Variants in EP400 observed in about 807,000 individuals in gnomAD.
EP400 encodes E1A binding protein p400, also known as E1A-binding protein p400.
EP400 carries 105 observed loss-of-function variants against 354.1 expected under a neutral mutation model. That is an observed-to-expected ratio of 0.30 (90% confidence interval 0.25 to 0.35). EP400 has a LOEUF of 0.35. Ranked by LOEUF, EP400 falls within the 10% of genes least tolerant of loss-of-function variation. The probability of loss-of-function intolerance (pLI) is 1.00; values close to 1 mark genes in which losing one functional copy is unlikely to be tolerated. For missense variants in EP400, 3,280 were observed against 4,121.0 expected, an observed-to-expected ratio of 0.80 and a Z score of 5.59; for synonymous variants, 1,646 against 1,716.9, an observed-to-expected ratio of 0.96 and a Z score of 1.02.
chr12:132,042,884 G>C (rs1480269148), intron 32 of EP400, among the ~76,000 whole-genome samples: 1 of 152,244 alleles, frequency 6.6e-6, no homozygotes. Flanking sequence ...TCCGTCTGCT[G>C]TCTGTTTCCT....
Position 131,990,739 on chromosome 12 carries a change from A to G in EP400, c.2629+25A>G. On this transcript the variant is annotated intron_variant, in intron 9 of 52. Coordinates refer to ENST00000389561, the MANE Select transcript of EP400 (RefSeq NM_015409.5). The surrounding 1 kb of genome is among the most constrained non-coding windows in gnomAD (Gnocchi z 4.2). ...GGTAGGACCCTTTAAAAAAAGGCTC[A>G]CCACGCTTGGGTGGTATTTTGTTCG... 2.6e-6 allele frequency: 4 copies of G among 1,548,936 alleles called. No individual in the cohort carries two copies. Among genetic ancestry groups the G allele is most frequent in the Non-Finnish European group, 3.5e-6 (4 of 1,129,244 alleles).
intron 1 of EP400, among the ~76,000 whole-genome samples, chr12:131,956,873 CTTTTTTTTTTT>C (rs58567170): frequency 8.7e-6 from 1 of 115,404 alleles, no homozygotes; most frequent in African/African-American, 3.4e-5. Context: ...TTTTTTTGTC[CTTTTTTTTTTT>C]TTTTTTTTTA....
At chr12:132,060,278 A>G (rs1405678384) in intron 45 of EP400, among the ~76,000 whole-genome samples, 2 of 152,160 alleles carry the variant, frequency 1.3e-5, no homozygotes, top group Non-Finnish European at 2.9e-5. Flanking sequence ...CACATGGAGG[A>G]CATGGTGACA....
chr12:132,006,293 C>A lies in EP400; in HGVS notation c.3117C>A (p.Val1039=). ...EAILPKGSAR[V]TTSVKFNAPS... is the part of the protein sequence containing the mutation. ...TCCTGCCGAAGGGCAGTGCTCGGGT[C>A]ACAACCTCGGTGAGGCGCTAAGCTT... is the stretch of plus-strand genomic sequence containing the variant. The change falls in exon 14 of 53, where the codon GTC becomes GTA. Residue 1039 remains valine (V), a synonymous_variant. Transcript: ENST00000389561. 1 of 1,614,072 alleles carries A rather than the reference C, an allele frequency of 6.2e-7. No homozygotes were observed. Among genetic ancestry groups the A allele is most frequent in the South Asian group, 1.1e-5 (1 of 91,056 alleles).
intron 22 of EP400, 32 bp downstream of exon 22, chr12:132,020,250 T>C (rs1480600600): frequency 6.5e-7 from 1 of 1,543,468 alleles, no homozygotes; most frequent in Non-Finnish European, 8.8e-7. Context: ...GCTCTCCGCC[T>C]TATGGAGGTT....
chr12:132,066,670 T>G, intron 48 of EP400, 104 bp from the exon 49 acceptor site: 1 of 1,230,956 alleles, frequency 8.1e-7, no homozygotes, highest in South Asian at 1.4e-5. Flanking sequence ...ACTTTGTTGA[T>G]CTTTGTAAAT....
intron 32 of EP400, among the ~76,000 whole-genome samples, chr12:132,039,298 G>A (rs1472556396): frequency 6.6e-6 from 1 of 152,234 alleles, no homozygotes; most frequent in African/African-American, 2.4e-5. Context: ...TGGTGATTCT[G>A]ATGGCAGCAG....
At chr12:131,983,815 G>A (rs1412200947) in intron 5 of EP400, among the ~76,000 whole-genome samples, 1 of 152,048 alleles carries the variant, frequency 6.6e-6, no homozygotes, top group Non-Finnish European at 1.5e-5. Context: ...GAGTAGCTGG[G>A]ACTACAGGCG....
In EP400 at chr12:131,986,682, T is replaced by C. The variant is rs540708227; in HGVS notation, c.2098T>C (p.Ser700Pro). The change falls in exon 6 of 53, where the codon TCT becomes CCT. Residue 700 changes from serine to proline, a missense_variant. Ser to Pro is a moderately conservative substitution (Grantham distance 74, BLOSUM62 -1). Transcript: ENST00000389561. ...RPSSATNKALSPVTSRTPGVV... is the reference protein window; with the variant it reads ...RPSSATNKALPPVTSRTPGVV... ...TTCCTCAGCCACCAATAAGGCACTA[T>C]CTCCAGTCACTTCCCGGACCCCAGG... is the stretch of plus-strand genomic sequence containing the variant. The C allele has an allele frequency of 9.9e-6, 16 of 1,614,102 alleles. No homozygotes were observed. The highest frequency in any genetic ancestry group is 5.5e-5 in the South Asian group (5 of 91,076).
chr12:131,987,727 T>G lies in EP400; in HGVS notation c.2246T>G (p.Ile749Ser), dbSNP rs1892899673. The change falls in exon 7 of 53, where the codon ATT becomes AGT. Residue 749 changes from isoleucine (I) to serine (S), a missense_variant. This residue lies in a region of EP400 where 800 missense variants were observed against 840.0 expected (regional missense o/e 0.95). Transcript: ENST00000389561. Reference sequence around the variant, plus strand: ...CAGGAGAACCAGGTGCATCAGCGCATTGCGGAGCTGAGGAAAGCAGGTCTG... The same window carrying G: ...CAGGAGAACCAGGTGCATCAGCGCAGTGCGGAGCTGAGGAAAGCAGGTCTG... ...ITLENQVHQR[I>S]AELRKAGLWS... 6.2e-7 allele frequency: 1 copy of G among 1,610,030 alleles called. No homozygotes were observed. Among genetic ancestry groups the G allele is most frequent in the South Asian group, 1.1e-5 (1 of 90,342 alleles).
At chr12:131,987,170 G>A (rs1293641171) in intron 6 of EP400, among the ~76,000 whole-genome samples, 1 of 152,182 alleles carries the variant, frequency 6.6e-6, no homozygotes, top group East Asian at 1.9e-4. Flanking sequence ...GAGAGTCACT[G>A]CCCAGCCCTT....
At chr12:131,984,795 T>C (rs1289095361) in intron 5 of EP400, among the ~76,000 whole-genome samples, 1 of 151,764 alleles carries the variant, frequency 6.6e-6, no homozygotes, top group African/African-American at 2.4e-5. Flanking sequence ...GCCTCCTGGG[T>C]TCAAACCATT....
intron 19 of EP400, among the ~76,000 whole-genome samples, chr12:132,014,952 TC>T (rs1250270444): frequency 6.6e-6 from 1 of 152,110 alleles, no homozygotes; most frequent in African/African-American, 2.4e-5. Context: ...CTGTGCCTCA[TC>T]CTCTGCTCTG....
chr12:132,011,130 G>A (rs1484372060), intron 15 of EP400, among the ~76,000 whole-genome samples: 1 of 152,166 alleles, frequency 6.6e-6, no homozygotes. Flanking sequence ...AGGGTCTGGG[G>A]CTCTCTTAGT....
Position 132,053,543 on chromosome 12 carries a change from G to T in EP400, c.7674G>T (p.Gln2558His). Residue 2558 changes from glutamine to histidine, a missense_variant, in exon 43 of 53, where the codon CAG (glutamine) becomes CAT (histidine). Transcript: ENST00000389561. ...CCCAGACCCAGCCACAGCCTGTGCA[G>T]GCCCCAGCGAAGGCGCAGCCCGCAA... ...PQPQTQPQPV[Q>H]APAKAQPAIT... 2 of 1,556,948 alleles carry T rather than the reference G, an allele frequency of 1.3e-6. No homozygotes were observed. The highest frequency in any genetic ancestry group is 2.3e-5 in the South Asian group (2 of 85,856).
intron 29 of EP400, 57 bp downstream of exon 29, chr12:132,030,215 C>T (rs980739893): frequency 1.1e-5 from 18 of 1,585,096 alleles, no homozygotes; most frequent in Non-Finnish European, 1.4e-5. Context: ...TGTTGAATGC[C>T]TAAGTGCTGT....
chr12:132,050,554 T>A lies in EP400; in HGVS notation c.7338-45T>A. 2.5e-6 allele frequency: 4 copies of A among 1,613,732 alleles called. No homozygotes were observed. Among genetic ancestry groups the A allele is most frequent in the Non-Finnish European group, 3.4e-6 (4 of 1,179,596 alleles). Reference sequence around the variant, plus strand: ...TGTTTTTAACATACCCTTCTTCAGATATTTCCTTTATTTAATAATTGCTGT... The same window carrying A: ...TGTTTTTAACATACCCTTCTTCAGAAATTTCCTTTATTTAATAATTGCTGT... On this transcript the variant is annotated intron_variant, in intron 40 of 52. Coordinates refer to ENST00000389561, the MANE Select transcript of EP400 (RefSeq NM_015409.5). This position sits in a 1 kb window ranked among gnomAD's most constrained non-coding sequence, Gnocchi z 4.8.
At chr12:132,059,614 T>C (rs1191436426) in intron 45 of EP400, among the ~76,000 whole-genome samples, 1 of 152,152 alleles carries the variant, frequency 6.6e-6, no homozygotes, top group Non-Finnish European at 1.5e-5. Context: ...ACAAAATAAC[T>C]AAACAGAGAA....
At chr12:131,963,514 C>T in intron 2 of EP400, 1 of 1,567,928 alleles carries the variant, frequency 6.4e-7, no homozygotes, top group Non-Finnish European at 8.6e-7. Flanking sequence ...CTTTTTTTCT[C>T]AAAATATTTC....
Sources: gnomAD v4.1 joint callset for allele counts (sites outside exome capture counted in the v4.1 genomes callset) on GRCh38, gnomAD v4.1.1 for gene constraint, gnomAD v4.1.1 regional missense constraint, Gnocchi (gnomAD v3.1) non-coding constraint, MANE v1.5 for transcripts, NCBI Gene and HGNC (gene_info 2026-07-23, HGNC 2026-07-21) for gene names.